The following RGS7BP variants were observed in gnomAD, a reference collection of about 807,000 sequenced individuals.
The protein encoded by RGS7BP is regulator of G protein signaling 7 binding protein, also known as regulator of G protein signaling 7-binding protein.
Under a neutral mutation model 31.3 loss-of-function variants are expected in RGS7BP, and 9 were observed. The observed-to-expected ratio is 0.29, with a 90% CI of 0.17 to 0.50. RGS7BP has a LOEUF of 0.50. Ranked by LOEUF, RGS7BP falls within the 20% of genes least tolerant of loss-of-function variation. The pLI is 0.98. For missense variants in RGS7BP, 274 were observed against 322.0 expected, an observed-to-expected ratio of 0.85 and a Z score of 1.14; for synonymous variants, 115 against 120.1, an observed-to-expected ratio of 0.96 and a Z score of 0.28.
At chr5:64,523,311 T>G (rs144175486) in intron 2 of RGS7BP, among the ~76,000 whole-genome samples, 63 of 151,034 alleles carry the variant, frequency 4.2e-4, no homozygotes, top group Non-Finnish European at 8.7e-4. Flanking sequence ...CTGATTCCCA[T>G]GGGGAAATAT....
chr5:64,538,652 G>A (rs533543872), intron 2 of RGS7BP, among the ~76,000 whole-genome samples: 1 of 140,958 alleles, frequency 7.1e-6, no homozygotes, highest in South Asian at 2.3e-4. Flanking sequence ...TGCCCCCTGG[G>A]TTCAAGAGAT....
chr5:64,539,299 A>AT (rs1454058313), intron 2 of RGS7BP, among the ~76,000 whole-genome samples: 4 of 151,846 alleles, frequency 2.6e-5, no homozygotes, highest in Non-Finnish European at 5.9e-5. Flanking sequence ...GTAATTTCAT[A>AT]TTTTTTCCCA....
At position 64,578,581 on chromosome 5, in the gene RGS7BP, A is replaced by G. The variant is rs192915059; in HGVS notation, c.463+2677A>G. Among the ~76,000 whole-genome samples, 6 of 151,662 alleles carry G rather than the reference A, an allele frequency of 4.0e-5. No homozygotes were observed. The East Asian group carries it at 1.2e-3, about 29-fold the overall frequency. On this transcript the variant is annotated intron_variant, in intron 3 of 5. Coordinates refer to ENST00000334025, the MANE Select transcript of RGS7BP (RefSeq NM_001029875.3). ...ACCAAAAAAATGTAAATCACACCCC[A>G]CCCTCCGTATAAATAAAAGGAAAAA...
intron 2 of RGS7BP, among the ~76,000 whole-genome samples, chr5:64,574,135 A>ATAATATACTAC (rs1170041476): frequency 6.6e-6 from 1 of 152,160 alleles, no homozygotes; most frequent in East Asian, 1.9e-4. Context: ...GTATTAGTAG[A>ATAATATACTAC]TAATATACAA....
At chr5:64,590,400 T>C (rs1742881866) in intron 3 of RGS7BP, among the ~76,000 whole-genome samples, 1 of 152,102 alleles carries the variant, frequency 6.6e-6, no homozygotes, top group Non-Finnish European at 1.5e-5. Context: ...GAAAAAGTGG[T>C]ATACAAAGAA....
intron 2 of RGS7BP, among the ~76,000 whole-genome samples, chr5:64,557,761 C>T (rs115995638): frequency 9.7e-4 from 148 of 152,126 alleles, no homozygotes; most frequent in African/African-American, 3.5e-3. Context: ...GAACATTGCC[C>T]CTTTCTGGTA....
intron 2 of RGS7BP, among the ~76,000 whole-genome samples, chr5:64,549,041 T>C (rs1741727549): frequency 1.3e-5 from 2 of 152,076 alleles, no homozygotes; most frequent in South Asian, 4.1e-4. Flanking sequence ...TCCATCCCAA[T>C]AGCTCTGAAA....
intron 4 of RGS7BP, among the ~76,000 whole-genome samples, chr5:64,596,609 G>A (rs970113560): frequency 2.6e-5 from 4 of 152,120 alleles, no homozygotes; most frequent in African/African-American, 4.8e-5. Flanking sequence ...TTGTGGAGGT[G>A]GGGCCACACT....
At chr5:64,526,131 G>C (rs1478695341) in intron 2 of RGS7BP, among the ~76,000 whole-genome samples, 3 of 152,190 alleles carry the variant, frequency 2.0e-5, no homozygotes, top group Non-Finnish European at 2.9e-5. Context: ...AGAGAGACGA[G>C]AGCCAGATCT....
chr5:64,570,718 GTAAT>G (rs1407707406), intron 2 of RGS7BP, among the ~76,000 whole-genome samples: 1 of 152,000 alleles, frequency 6.6e-6, no homozygotes, highest in Admixed American at 6.6e-5. Flanking sequence ...TTTATCCCAT[GTAAT>G]TATTTAGGGA....
At chr5:64,530,542 A>G (rs1749344315) in intron 2 of RGS7BP, among the ~76,000 whole-genome samples, 1 of 152,234 alleles carries the variant, frequency 6.6e-6, no homozygotes, top group Non-Finnish European at 1.5e-5. Context: ...AAGGCAATAA[A>G]TGCTAGTGTC....
chr5:64,579,543 CAAAAAAA>C (rs34003776), intron 3 of RGS7BP, among the ~76,000 whole-genome samples: 2 of 53,310 alleles, frequency 3.8e-5, no homozygotes, highest in Non-Finnish European at 6.1e-5. Context: ...GACTCCATCT[CAAAAAAA>C]AAAAAAAAAA....
intron 2 of RGS7BP, among the ~76,000 whole-genome samples, chr5:64,565,071 A>G (rs1333653333): frequency 6.6e-6 from 1 of 152,166 alleles, no homozygotes; most frequent in Non-Finnish European, 1.5e-5. Flanking sequence ...TGAGTAAAGA[A>G]GAAACTTGGA....
intron 2 of RGS7BP, among the ~76,000 whole-genome samples, chr5:64,550,408 ACCCCTCAGACTAGGG>A (rs1453112912): frequency 2.6e-5 from 4 of 152,036 alleles, no homozygotes; most frequent in Non-Finnish European, 4.4e-5. Flanking sequence ...AAAGGCACTA[ACCCCTCAGACTAGGG>A]CCCCACCCTT....
intron 2 of RGS7BP, among the ~76,000 whole-genome samples, chr5:64,557,203 T>C (rs934061561): frequency 6.6e-6 from 1 of 152,196 alleles, no homozygotes; most frequent in African/African-American, 2.4e-5. Context: ...CTGTATTCTG[T>C]AAGATGTTTC....
At chr5:64,606,778 C>T (rs1743376670) in intron 5 of RGS7BP, among the ~76,000 whole-genome samples, 1 of 152,086 alleles carries the variant, frequency 6.6e-6, no homozygotes, top group Non-Finnish European at 1.5e-5. Context: ...TGTTTAGTAT[C>T]TAACACTGTT....
chr5:64,570,740 A>C (rs1000659003), intron 2 of RGS7BP, among the ~76,000 whole-genome samples: 1 of 152,090 alleles, frequency 6.6e-6, no homozygotes, highest in Non-Finnish European at 1.5e-5. Flanking sequence ...GGAAATGTAA[A>C]TCCTCAGTCA....
chr5:64,559,980 G>C (rs996903680), intron 2 of RGS7BP, among the ~76,000 whole-genome samples: 5 of 152,248 alleles, frequency 3.3e-5, no homozygotes, highest in Non-Finnish European at 5.9e-5. Flanking sequence ...TTTACTGGAA[G>C]TAACTGTCAT....
intron 2 of RGS7BP, chr5:64,573,592 A>C (rs1197109813): frequency 6.6e-6 from 1 of 151,278 alleles, no homozygotes; most frequent in African/African-American, 2.4e-5. Flanking sequence ...CATACACTAA[A>C]ATTGAAATGA....
Sources: allele counts gnomAD v4.1 joint callset (sites outside exome capture counted in the v4.1 genomes callset), GRCh38; gene constraint gnomAD v4.1.1; transcripts MANE v1.5; gene names NCBI Gene and HGNC (gene_info 2026-07-23, HGNC 2026-07-21).